PDCD1LG2: variants seen among roughly 807,000 people sequenced by gnomAD.
PDCD1LG2 encodes B7 dendritic cell molecule.
A neutral mutation model predicts 28.2 loss-of-function variants in PDCD1LG2; 32 were observed. The ratio of observed to expected loss-of-function variants is 1.13; its 90% CI spans 0.86 to 1.52. The LOEUF is 1.52. Among genes scored for constraint, PDCD1LG2 ranks in the 40% most tolerant of loss-of-function variants. The probability of loss-of-function intolerance (pLI) is 0.00; values close to 1 mark genes in which losing one functional copy is unlikely to be tolerated. For synonymous variants in PDCD1LG2, 116 were observed against 120.2 expected (o/e 0.97, Z 0.23); for missense variants, 385 against 323.8 (o/e 1.19, Z -1.45).
chr9:5,534,709 G>A lies in PDCD1LG2; in HGVS notation c.56-36G>A, dbSNP rs567318149. On this transcript the variant is annotated intron_variant, in intron 2 of 6. Transcript: ENST00000397747. ...CGTAAGAACTGGAATGTAAAGTAAA[G>A]GCAGACAATGACAAAATATCTTGTT... The A allele has an allele frequency of 1.7e-5, 26 of 1,548,074 alleles. 1 individual carries two copies. In the South Asian group the frequency reaches 3.0e-4, roughly 18 times the overall value.
At chr9:5,512,975 C>T (rs1438740920) in intron 1 of PDCD1LG2, among the ~76,000 whole-genome samples, 1 of 152,118 alleles carries the variant, frequency 6.6e-6, no homozygotes, top group Non-Finnish European at 1.5e-5. Flanking sequence ...CTTTTTCTGA[C>T]CTGAAGTTAG....
At chr9:5,527,225 T>C (rs1820397120) in intron 2 of PDCD1LG2, among the ~76,000 whole-genome samples, 1 of 152,258 alleles carries the variant, frequency 6.6e-6, no homozygotes, top group South Asian at 2.1e-4. Context: ...TTATGAATTT[T>C]AACAAATGCA....
intron 2 of PDCD1LG2, among the ~76,000 whole-genome samples, chr9:5,524,210 G>T (rs1820328931): frequency 6.6e-6 from 1 of 152,166 alleles, no homozygotes; most frequent in South Asian, 2.1e-4. Flanking sequence ...ATAGTTATTA[G>T]GTGACACCGG....
intron 3 of PDCD1LG2, among the ~76,000 whole-genome samples, chr9:5,537,180 T>C (rs1820595935): frequency 6.6e-6 from 1 of 152,216 alleles, no homozygotes; most frequent in African/African-American, 2.4e-5. Context: ...TGAAATGGCA[T>C]TGCTGTAACG....
intron 4 of PDCD1LG2, among the ~76,000 whole-genome samples, chr9:5,551,782 G>A (rs1023303429): frequency 3.9e-5 from 6 of 152,156 alleles, no homozygotes; most frequent in African/African-American, 1.4e-4. Flanking sequence ...AGGAAATAAG[G>A]CAGGACTGCA....
chr9:5,564,169 T>G (rs548299327), intron 6 of PDCD1LG2, among the ~76,000 whole-genome samples: 1 of 152,220 alleles, frequency 6.6e-6, no homozygotes. Flanking sequence ...TATTTGGTCA[T>G]TGGAGTTGTC....
rs898191961 is a variant in PDCD1LG2 at position 5,570,087 on chromosome 9, A to C, written c.*128A>C. 8.4e-6 allele frequency: 10 copies of C among 1,187,626 alleles called. No homozygotes were observed. In the South Asian group the frequency reaches 1.1e-4, roughly 13 times the overall value. 73.6% of individuals were successfully genotyped at this position (1,187,626 alleles called of 1,614,324 possible). On this transcript the variant is annotated 3_prime_UTR_variant, in exon 7 of 7. Coordinates refer to ENST00000397747, the MANE Select transcript of PDCD1LG2 (RefSeq NM_025239.4). ...TTCAAATGCCTTTGGATGACCCAGC[A>C]CTTTAATCTGAAACCTGCAACAAGA...
At chr9:5,535,515 A>T (rs1045377197) in intron 3 of PDCD1LG2, among the ~76,000 whole-genome samples, 1 of 152,222 alleles carries the variant, frequency 6.6e-6, no homozygotes, top group Non-Finnish European at 1.5e-5. Context: ...CCTTTAAAAA[A>T]TAATGTATAG....
intron 1 of PDCD1LG2, among the ~76,000 whole-genome samples, chr9:5,513,155 G>C (rs565393963): frequency 1.3e-5 from 2 of 152,164 alleles, no homozygotes; most frequent in Non-Finnish European, 2.9e-5. Flanking sequence ...ACTATTTCCC[G>C]ATTGGCAGCT....
At chr9:5,511,422 C>G (rs887749304) in intron 1 of PDCD1LG2, among the ~76,000 whole-genome samples, 1 of 152,184 alleles carries the variant, frequency 6.6e-6, no homozygotes, top group Non-Finnish European at 1.5e-5. Context: ...ATTGATTGCT[C>G]ACCGCCTGGA....
Position 5,532,964 on chromosome 9 carries a change from C to T in PDCD1LG2, c.56-1781C>T, listed in dbSNP as rs117097902. Among the ~76,000 whole-genome samples the T allele has an allele frequency of 3.0e-4, 45 of 152,302 alleles. 2 individuals are homozygous for T. The East Asian group carries it at 8.1e-3, about 27-fold the overall frequency. On this transcript the variant is annotated intron_variant, in intron 2 of 6. Transcript: ENST00000397747. ...GCTGAAGCTCATAAAGATTAAAGGACGGACTCACAGTCAAAGGACTCCTAA... is the reference window on the plus strand; with the variant it reads ...GCTGAAGCTCATAAAGATTAAAGGATGGACTCACAGTCAAAGGACTCCTAA...
intron 2 of PDCD1LG2, among the ~76,000 whole-genome samples, chr9:5,533,088 T>C (rs1018426735): frequency 4.6e-5 from 7 of 152,248 alleles, no homozygotes; most frequent in African/African-American, 1.7e-4. Flanking sequence ...TAGCTAATGC[T>C]TAGAAGCAGC....
At chr9:5,554,370 T>A (rs1816394909) in intron 4 of PDCD1LG2, among the ~76,000 whole-genome samples, 1 of 152,166 alleles carries the variant, frequency 6.6e-6, no homozygotes, top group Non-Finnish European at 1.5e-5. Context: ...AGCAACAAAA[T>A]AACCAAAGTC....
intron 3 of PDCD1LG2, among the ~76,000 whole-genome samples, chr9:5,546,046 G>T (rs551483470): frequency 1.4e-4 from 21 of 152,252 alleles, no homozygotes; most frequent in African/African-American, 4.8e-4. Context: ...TAAGAAAGAG[G>T]CTGTGGAGAC....
chr9:5,556,508 T>C (rs936576105), intron 4 of PDCD1LG2, among the ~76,000 whole-genome samples: 12 of 152,194 alleles, frequency 7.9e-5, no homozygotes, highest in African/African-American at 2.7e-4. Flanking sequence ...TGACCTCACA[T>C]AGATTATTTA....
chr9:5,567,908 C>A (rs1421835684), intron 6 of PDCD1LG2, among the ~76,000 whole-genome samples: 1 of 152,192 alleles, frequency 6.6e-6, no homozygotes, highest in Non-Finnish European at 1.5e-5. Context: ...TTTCTATATA[C>A]TTTTGGTCCA....
intron 3 of PDCD1LG2, among the ~76,000 whole-genome samples, chr9:5,548,474 T>C (rs1205510600): frequency 6.6e-6 from 1 of 152,238 alleles, no homozygotes; most frequent in Non-Finnish European, 1.5e-5. Context: ...AATACAGATA[T>C]CTCTTCAACA....
chr9:5,559,377 CTG>C (rs1370768691), intron 5 of PDCD1LG2, among the ~76,000 whole-genome samples: 3 of 152,190 alleles, frequency 2.0e-5, no homozygotes, highest in Non-Finnish European at 2.9e-5. Flanking sequence ...GCATTCAGAT[CTG>C]CTTTCTTACA....
intron 3 of PDCD1LG2, among the ~76,000 whole-genome samples, chr9:5,544,440 C>T (rs2129849306): frequency 6.6e-6 from 1 of 152,262 alleles, no homozygotes; most frequent in East Asian, 1.9e-4. Context: ...AAGTATAGAG[C>T]ATAGGGGAGA....
Sources: gnomAD v4.1 joint callset for allele counts (sites outside exome capture counted in the v4.1 genomes callset) on GRCh38, gnomAD v4.1.1 for gene constraint, MANE v1.5 for transcripts, NCBI Gene and HGNC (gene_info 2026-07-23, HGNC 2026-07-21) for gene names.